The following KCNAB1 variants were observed in gnomAD, a reference collection of about 807,000 sequenced individuals.
KCNAB1 encodes the protein potassium voltage-gated channel subfamily A regulatory beta subunit 1, also known as voltage-gated potassium channel subunit beta-1.
A neutral mutation model predicts 64.6 loss-of-function variants in KCNAB1; 35 were observed. The observed-to-expected ratio is 0.54, with a 90% CI of 0.41 to 0.72. KCNAB1 has a LOEUF of 0.72. Ranked by LOEUF, KCNAB1 falls within the 30% of genes least tolerant of loss-of-function variation. The pLI, the probability that KCNAB1 is intolerant of heterozygous loss-of-function variation, is 0.00. For missense variants in KCNAB1, 401 were observed against 512.9 expected (o/e 0.78, Z 2.11); for synonymous variants, 177 against 183.8 (o/e 0.96, Z 0.30).
chr3:156,354,835 C>T (rs894477307), intron 1 of KCNAB1, among the ~76,000 whole-genome samples: 14 of 151,966 alleles, frequency 9.2e-5, no homozygotes, highest in African/African-American at 3.4e-4. Flanking sequence ...TTACAACTTG[C>T]AATGTATCTG....
At chr3:156,219,686 A>C (rs547963543) in intron 1 of KCNAB1, among the ~76,000 whole-genome samples, 2 of 148,848 alleles carry the variant, frequency 1.3e-5, no homozygotes, top group South Asian at 4.6e-4. Context: ...AAGCGAAGGA[A>C]GGAATCTTTT....
intron 1 of KCNAB1, among the ~76,000 whole-genome samples, chr3:156,146,507 T>G (rs1715046474): frequency 6.6e-6 from 1 of 152,180 alleles, no homozygotes; most frequent in Non-Finnish European, 1.5e-5. Context: ...AATACCTAGC[T>G]TTGAAGCAAT....
chr3:156,516,415 A>T, intron 11 of KCNAB1, 51 bp downstream of exon 11: 1 of 1,320,110 alleles, frequency 7.6e-7, no homozygotes, highest in Non-Finnish European at 1.1e-6. Flanking sequence ...AGGAGGGAAG[A>T]AGGTTGGTAA....
At chr3:156,250,119 G>T (rs1365808616) in intron 1 of KCNAB1, among the ~76,000 whole-genome samples, 1 of 152,164 alleles carries the variant, frequency 6.6e-6, no homozygotes, top group African/African-American at 2.4e-5. Flanking sequence ...ATCTTTGAAA[G>T]CTATTAGGAT....
chr3:156,257,129 T>A (rs188608099), intron 1 of KCNAB1, among the ~76,000 whole-genome samples: 9 of 152,330 alleles, frequency 5.9e-5, no homozygotes, highest in Non-Finnish European at 4.4e-5. Flanking sequence ...ACTTTCCTCA[T>A]GACCCATGAG....
intron 12 of KCNAB1, among the ~76,000 whole-genome samples, chr3:156,524,577 C>T (rs1338300107): frequency 2.6e-5 from 4 of 151,904 alleles, no homozygotes; most frequent in African/African-American, 9.7e-5. Context: ...GAAACCCCGT[C>T]TCTACTAAAA....
chr3:156,486,287 C>T (rs1475747677), intron 8 of KCNAB1, among the ~76,000 whole-genome samples: 1 of 152,128 alleles, frequency 6.6e-6, no homozygotes, highest in Non-Finnish European at 1.5e-5. Flanking sequence ...TTCCCTTCTG[C>T]TCTTACCCTA....
chr3:156,469,475 T>C (rs1713716915), intron 7 of KCNAB1, among the ~76,000 whole-genome samples: 1 of 152,048 alleles, frequency 6.6e-6, no homozygotes, highest in African/African-American at 2.4e-5. Context: ...GCCAGACTGG[T>C]CTCAAATTCC....
intron 1 of KCNAB1, among the ~76,000 whole-genome samples, chr3:156,357,186 C>A (rs1206616875): frequency 1.3e-5 from 2 of 151,892 alleles, no homozygotes; most frequent in Non-Finnish European, 2.9e-5. Context: ...CACACACACA[C>A]CCCTGTTCTG....
chr3:156,323,342 C>T (rs773390058), intron 1 of KCNAB1, among the ~76,000 whole-genome samples: 194 of 152,074 alleles, frequency 1.3e-3, no homozygotes, highest in Non-Finnish European at 8.2e-4. Flanking sequence ...CATTGGTGTT[C>T]GGGGAGAAAT....
chr3:156,184,798 C>T (rs13086888), intron 1 of KCNAB1, among the ~76,000 whole-genome samples: 24,725 of 151,976 alleles, frequency 0.16, 2,170 homozygotes, highest in African/African-American at 0.18. Flanking sequence ...AAGTGTATCC[C>T]CTCCTTCCCC....
chr3:156,486,134 C>T (rs1715195534), intron 8 of KCNAB1, among the ~76,000 whole-genome samples: 1 of 152,106 alleles, frequency 6.6e-6, no homozygotes, highest in Non-Finnish European at 1.5e-5. Context: ...TGTGAATAGC[C>T]TGTCCCCCAC....
At chr3:156,433,871 G>A (rs982437000) in intron 2 of KCNAB1, among the ~76,000 whole-genome samples, 1 of 152,112 alleles carries the variant, frequency 6.6e-6, no homozygotes, top group African/African-American at 2.4e-5. Context: ...ATGTTGCCCC[G>A]TGGTTGTATT....
At chr3:156,224,895 C>T (rs1716052125) in intron 1 of KCNAB1, among the ~76,000 whole-genome samples, 1 of 152,142 alleles carries the variant, frequency 6.6e-6, no homozygotes, top group Admixed American at 6.5e-5. Flanking sequence ...CTGAACATAA[C>T]AATAACACAC....
chr3:156,523,455 T>C (rs1458490515), intron 11 of KCNAB1, among the ~76,000 whole-genome samples: 1 of 151,786 alleles, frequency 6.6e-6, no homozygotes, highest in Non-Finnish European at 1.5e-5. Flanking sequence ...TAGATCTTGG[T>C]AAGTTGTAAA....
At chr3:156,538,991 CTG>C (rs1219172041), downstream of KCNAB1, 1 of 151,268 alleles carries the variant, frequency 6.6e-6, no homozygotes, top group African/African-American at 2.4e-5. Flanking sequence ...ATATGCGAAT[CTG>C]TCATGGTAAA....
intron 8 of KCNAB1, among the ~76,000 whole-genome samples, chr3:156,502,378 A>T (rs890036431): frequency 6.6e-6 from 1 of 152,134 alleles, no homozygotes; most frequent in Non-Finnish European, 1.5e-5. Flanking sequence ...CTCCAGAAAC[A>T]GACACTAGCA....
In KCNAB1 at chr3:156,516,277, C is replaced by T. The variant is rs1214474625; in HGVS notation, c.873C>T (p.Gly291=). 9 of 1,613,126 alleles carry T rather than the reference C, an allele frequency of 5.6e-6. No individual in the cohort carries two copies. In the South Asian group the frequency reaches 6.6e-5, roughly 12 times the overall value. The part of the protein sequence containing the change: ...LPELYHKIGV[G]AMTWSPLACG... Reference sequence around the variant, plus strand: ...AAGTTTTTTCTTCTGTAGGTGTTGGCGCAATGACATGGTCTCCACTTGCCT... The same window carrying T: ...AAGTTTTTTCTTCTGTAGGTGTTGGTGCAATGACATGGTCTCCACTTGCCT... The change falls in exon 11 of 14, where the codon GGC becomes GGT. Residue 291 remains glycine (G), a synonymous_variant. Transcript: ENST00000490337.
intron 1 of KCNAB1, among the ~76,000 whole-genome samples, chr3:156,313,402 C>T (rs1001988368): frequency 1.4e-4 from 21 of 152,218 alleles, no homozygotes; most frequent in East Asian, 9.7e-4. Flanking sequence ...GATCTTGAGA[C>T]GGGAGATTAT....
Sources: allele counts gnomAD v4.1 joint callset (sites outside exome capture counted in the v4.1 genomes callset), GRCh38; gene constraint gnomAD v4.1.1; transcripts MANE v1.5; gene names NCBI Gene and HGNC (gene_info 2026-07-23, HGNC 2026-07-21).